The following TRIM71 variants were observed in gnomAD, a reference collection of about 807,000 sequenced individuals.
The protein encoded by TRIM71 is tripartite motif containing 71.
Under a neutral mutation model 61.2 loss-of-function variants are expected in TRIM71, and 9 were observed. That is an observed-to-expected ratio of 0.15 (90% CI 0.09 to 0.26). The LOEUF (loss-of-function observed/expected upper bound fraction) is 0.26. Ranked by LOEUF, TRIM71 falls within the 10% of genes least tolerant of loss-of-function variation. The pLI is 1.00. For missense variants in TRIM71, 998 were observed against 1,238.7 expected (o/e 0.81, Z 2.92); for synonymous variants, 645 against 553.2 (o/e 1.17, Z -2.33).
At position 32,818,149 on chromosome 3, in the gene TRIM71, G is replaced by A. The variant is rs1163874497; in HGVS notation, c.69G>A (p.Ala23=). 4 of 1,610,652 alleles carry A rather than the reference G, an allele frequency of 2.5e-6. No homozygotes were observed. Among genetic ancestry groups the A allele is most frequent in the East Asian group, 2.3e-5 (1 of 44,394 alleles). ...LLCKEMCGSP[A]PLSSNSSASS... ...GCAAGGAGATGTGCGGCTCGCCGGC[G>A]CCGCTCTCCTCCAACTCGTCCGCGT... is the stretch of plus-strand genomic sequence containing the variant. Residue 23 remains alanine, a synonymous_variant, in exon 1 of 4, where the codon GCG becomes GCA. Coordinates refer to ENST00000383763, the MANE Select transcript of TRIM71 (RefSeq NM_001039111.3).
chr3:32,829,535 CTG>C (rs1196866428), intron 1 of TRIM71, among the ~76,000 whole-genome samples: 8 of 152,060 alleles, frequency 5.3e-5, no homozygotes, highest in Non-Finnish European at 8.8e-5. Context: ...GGAAGGGAAA[CTG>C]TGGCATATCA....
intron 1 of TRIM71, among the ~76,000 whole-genome samples, chr3:32,853,633 C>T (rs1382927189): frequency 6.6e-6 from 1 of 151,950 alleles, no homozygotes; most frequent in Non-Finnish European, 1.5e-5. Flanking sequence ...ACCCTTTTTC[C>T]TGAGGAGAAA....
At chr3:32,873,453 T>C (rs1267015370) in intron 1 of TRIM71, among the ~76,000 whole-genome samples, 1 of 152,134 alleles carries the variant, frequency 6.6e-6, no homozygotes, top group Admixed American at 6.5e-5. Context: ...TCTTAACAAC[T>C]TTTCTGGATA....
chr3:32,865,519 T>A (rs1410740278), intron 1 of TRIM71, among the ~76,000 whole-genome samples: 1 of 152,186 alleles, frequency 6.6e-6, no homozygotes, highest in African/African-American at 2.4e-5. Context: ...CTGCCAAAAC[T>A]GGTCGAAGGC....
chr3:32,825,452 C>T (rs1696189810), intron 1 of TRIM71, among the ~76,000 whole-genome samples: 1 of 152,034 alleles, frequency 6.6e-6, no homozygotes, highest in Non-Finnish European at 1.5e-5. Context: ...CATGGTTTGC[C>T]ATTTCTCCAT....
rs143339007 is a variant in TRIM71, at chr3:32,839,252, CAA to C, written c.852+20321_852+20322del. 7.2e-3 allele frequency among the ~76,000 whole-genome samples: 1,096 copies of C among 151,544 alleles called. 1 individual carries two copies. The highest frequency in any genetic ancestry group is 0.013 in the Non-Finnish European group (851 of 67,840). ...AAGTGACATGAGTTTTTTTTTGAGA[CAA>C]GAGTCTCATTTGGTCACCAAGGCTG... is the stretch of plus-strand genomic sequence containing the variant. On this transcript the variant is annotated intron_variant, in intron 1 of 3. Transcript: ENST00000383763.
At chr3:32,879,563 G>A (rs557252288) in intron 2 of TRIM71, among the ~76,000 whole-genome samples, 14 of 151,856 alleles carry the variant, frequency 9.2e-5, no homozygotes, top group Non-Finnish European at 2.1e-4. Flanking sequence ...TGAAAAGTTT[G>A]AAATACTGCA....
intron 1 of TRIM71, among the ~76,000 whole-genome samples, chr3:32,841,976 T>TA (rs1321813532): frequency 6.6e-6 from 1 of 152,146 alleles, no homozygotes; most frequent in African/African-American, 2.4e-5. Flanking sequence ...ACTCACGCCA[T>TA]ACACCTAGGA....
intron 1 of TRIM71, among the ~76,000 whole-genome samples, chr3:32,831,340 G>A (rs1293957587): frequency 6.6e-6 from 1 of 152,010 alleles, no homozygotes; most frequent in African/African-American, 2.4e-5. Flanking sequence ...TGATAGAGGT[G>A]GCTACATCTT....
At chr3:32,856,311 C>T (rs1467456828) in intron 1 of TRIM71, among the ~76,000 whole-genome samples, 1 of 152,182 alleles carries the variant, frequency 6.6e-6, no homozygotes, top group Non-Finnish European at 1.5e-5. Flanking sequence ...GCCACCGCAC[C>T]TGGCCCTCTA....
At position 32,818,316 on chromosome 3, in the gene TRIM71, G is replaced by T. The variant is rs1696081675; in HGVS notation, c.236G>T (p.Gly79Val). 7.0e-7 allele frequency: 1 copy of T among 1,437,716 alleles called. No individual in the cohort carries two copies. The highest frequency in any genetic ancestry group is 9.1e-7 in the Non-Finnish European group (1 of 1,100,930). The allele number at this position is 1,437,716 out of a possible 1,614,324, so 89.1% of individuals were successfully genotyped here. The part of the protein sequence containing the change: ...CLEAHRLPAA[G>V]GGAAGEPLKL... ...GAGGCGCACCGGCTGCCGGCGGCGGGCGGCGGCGCGGCGGGAGAGCCGCTC... is the reference window on the plus strand; with the variant it reads ...GAGGCGCACCGGCTGCCGGCGGCGGTCGGCGGCGCGGCGGGAGAGCCGCTC... The change falls in exon 1 of 4, where the codon GGC becomes GTC. Residue 79 changes from glycine (G) to valine (V), a missense_variant. Coordinates refer to ENST00000383763, the MANE Select transcript of TRIM71 (RefSeq NM_001039111.3).
chr3:32,889,900 GTA>G (rs1422782331), intron 3 of TRIM71, among the ~76,000 whole-genome samples: 40 of 82,000 alleles, frequency 4.9e-4, no homozygotes, highest in African/African-American at 1.1e-3. Context: ...GTGTGTGTGT[GTA>G]TGTATGTATG....
chr3:32,892,597 G>A lies in TRIM71; in HGVS notation c.*786G>A, dbSNP rs943241811. ...AGGGTGTGTGCATGTTTGTTTCAAA[G>A]CCATCTTGCACCCAAGTAGTAAAGC... is the stretch of plus-strand genomic sequence containing the variant. On this transcript the variant is annotated 3_prime_UTR_variant, in exon 4 of 4. Transcript: ENST00000383763. 2 of 152,112 alleles carry A rather than the reference G, an allele frequency of 1.3e-5. No homozygotes were observed. Among genetic ancestry groups the A allele is most frequent in the African/African-American group, 4.8e-5 (2 of 41,426 alleles). 9.4% of individuals were successfully genotyped at this position (152,112 alleles called of 1,614,324 possible).
At chr3:32,864,762 C>T (rs1696712462) in intron 1 of TRIM71, among the ~76,000 whole-genome samples, 2 of 152,224 alleles carry the variant, frequency 1.3e-5, no homozygotes, top group South Asian at 2.1e-4. Context: ...CCCCAGTATG[C>T]ATCCCTCTTC....
At chr3:32,834,802 G>A (rs959263585) in intron 1 of TRIM71, among the ~76,000 whole-genome samples, 4 of 152,068 alleles carry the variant, frequency 2.6e-5, no homozygotes, top group Non-Finnish European at 5.9e-5. Flanking sequence ...AGATCGCACG[G>A]CTGCACTCCA....
chr3:32,825,436 A>C (rs1559536602), intron 1 of TRIM71, among the ~76,000 whole-genome samples: 4 of 152,174 alleles, frequency 2.6e-5, no homozygotes, highest in Admixed American at 1.3e-4. Flanking sequence ...CTGGTGCTAA[A>C]AGTCACATGG....
rs75426738 is a variant in TRIM71, at chr3:32,868,701, A to C, written c.853-5117A>C. 6.9e-3 allele frequency among the ~76,000 whole-genome samples: 930 copies of C among 134,166 alleles called. 9 individuals carry two copies. The highest frequency in any genetic ancestry group is 0.016 in the African/African-American group (525 of 33,612). The allele number at this position is 134,166 out of a possible 152,430, so 88.0% of individuals were successfully genotyped here. A position where few individuals can be genotyped will look rare whatever the true frequency, so the allele number is the denominator to read the frequency against. On this transcript the variant is annotated intron_variant, in intron 1 of 3. Coordinates refer to ENST00000383763, the MANE Select transcript of TRIM71 (RefSeq NM_001039111.3). ...AGACATTAGGGTTTTTTTTTTTTTT[A>C]AAAAACTGTTTGCTTGTATTACTTT...
chr3:32,824,408 G>A (rs908421971), intron 1 of TRIM71, among the ~76,000 whole-genome samples: 2 of 147,996 alleles, frequency 1.4e-5, no homozygotes, highest in African/African-American at 5.0e-5. Context: ...GGCCAGGCTT[G>A]TCTCTAACTC....
chr3:32,819,249 G>C (rs1458530376), intron 1 of TRIM71, among the ~76,000 whole-genome samples: 2 of 70,748 alleles, frequency 2.8e-5, no homozygotes, highest in Non-Finnish European at 5.8e-5. Flanking sequence ...AGATAGGTGT[G>C]TGTGTTTGTG....
Sources: allele counts gnomAD v4.1 joint callset (sites outside exome capture counted in the v4.1 genomes callset), GRCh38; gene constraint gnomAD v4.1.1; transcripts MANE v1.5; gene names NCBI Gene and HGNC (gene_info 2026-07-23, HGNC 2026-07-21).